The following GAS2 variants were observed in gnomAD, a reference collection of about 807,000 sequenced individuals.
GAS2 encodes the protein growth arrest specific 2, also known as growth arrest-specific protein 2.
A neutral mutation model predicts 37.5 loss-of-function variants in GAS2; 20 were observed. That is an observed-to-expected ratio of 0.53 (90% CI 0.37 to 0.77). GAS2 has a LOEUF of 0.77. Ranked by LOEUF, GAS2 falls within the 30% of genes least tolerant of loss-of-function variation. The pLI is 0.00. For synonymous variants in GAS2, 144 were observed against 132.2 expected (o/e 1.09, Z -0.61); for missense variants, 336 against 373.4 (o/e 0.90, Z 0.82).
rs1240834314 is a variant in GAS2 at position 22,690,158 on chromosome 11, TATGCCTG to T, written c.267+4370_267+4376del. On this transcript the variant is annotated intron_variant, in intron 3 of 7. Transcript: ENST00000454584. ...TGTAAACAAATTTGAACGAGTAAGT[TATGCCTG>T]GTATGTGTGAAGTATGTCTGTATTA... Among the ~76,000 whole-genome samples the T allele has an allele frequency of 2.0e-5, 3 of 152,192 alleles. No individual in the cohort carries two copies. The East Asian group carries it at 5.8e-4, about 29-fold the overall frequency.
intron 7 of GAS2, among the ~76,000 whole-genome samples, chr11:22,760,154 T>C (rs1461462789): frequency 1.4e-5 from 2 of 141,540 alleles, no homozygotes; most frequent in Non-Finnish European, 3.1e-5. Context: ...TTTTTTTTTG[T>C]ATTTTAAGTA....
intron 1 of GAS2, among the ~76,000 whole-genome samples, chr11:22,656,152 T>C (rs1848852139): frequency 6.6e-6 from 1 of 152,246 alleles, no homozygotes; most frequent in Non-Finnish European, 1.5e-5. Context: ...CTACAAATCT[T>C]AAAACCACAG....
chr11:22,715,200 C>T (rs894229803), intron 3 of GAS2, among the ~76,000 whole-genome samples: 5 of 152,022 alleles, frequency 3.3e-5, no homozygotes, highest in African/African-American at 1.2e-4. Flanking sequence ...TGGTGGCTTA[C>T]ACCTGTAATC....
At chr11:22,730,482 G>A (rs1852418702) in intron 4 of GAS2, among the ~76,000 whole-genome samples, 1 of 151,728 alleles carries the variant, frequency 6.6e-6, no homozygotes, top group East Asian at 1.9e-4. Context: ...TGCAGAGCAT[G>A]TTGTAACCAT....
chr11:22,759,507 T>C (rs1223430834), intron 7 of GAS2, among the ~76,000 whole-genome samples: 3 of 152,226 alleles, frequency 2.0e-5, no homozygotes, highest in Non-Finnish European at 2.9e-5. Flanking sequence ...AAATAATTTG[T>C]CAAAGCCAAA....
chr11:22,728,863 G>A (rs891896833), intron 4 of GAS2, among the ~76,000 whole-genome samples: 6 of 150,784 alleles, frequency 4.0e-5, no homozygotes, highest in African/African-American at 9.7e-5. Context: ...AAGTGGAACC[G>A]TTTCTCCTTT....
chr11:22,667,347 G>T (rs910149886), intron 1 of GAS2, among the ~76,000 whole-genome samples: 3 of 152,186 alleles, frequency 2.0e-5, no homozygotes, highest in African/African-American at 4.8e-5. Flanking sequence ...GATAGAGCCA[G>T]AATGGTCTTA....
chr11:22,808,067 G>A (rs754366810), intron 7 of GAS2, among the ~76,000 whole-genome samples: 5 of 152,150 alleles, frequency 3.3e-5, no homozygotes, highest in Non-Finnish European at 7.3e-5. Flanking sequence ...GGACACTTGG[G>A]CAAGTTTCAA....
At chr11:22,771,984 T>G (rs1855002615) in intron 7 of GAS2, among the ~76,000 whole-genome samples, 1 of 152,182 alleles carries the variant, frequency 6.6e-6, no homozygotes, top group Non-Finnish European at 1.5e-5. Flanking sequence ...TTTAATTTAT[T>G]ATCCCCATTA....
Position 22,681,576 on chromosome 11 carries a change from C to G in GAS2, c.146-4092C>G, listed in dbSNP as rs541121306. On this transcript the variant is annotated intron_variant, in intron 2 of 7. Transcript: ENST00000454584. Reference sequence around the variant, plus strand: ...TAATTGTATTCATTTATTGTTCTTTCTTTCCCTACAAACACCAACCACAAT... The same window carrying G: ...TAATTGTATTCATTTATTGTTCTTTGTTTCCCTACAAACACCAACCACAAT... 5.7e-4 allele frequency among the ~76,000 whole-genome samples: 87 copies of G among 152,260 alleles called. 1 individual carries two copies. The highest frequency in any genetic ancestry group is 2.1e-3 in the African/African-American group (86 of 41,560).
Position 22,778,053 on chromosome 11 carries a change from G to A in GAS2, c.723+22100G>A, listed in dbSNP as rs937563398. 6.6e-5 allele frequency among the ~76,000 whole-genome samples: 10 copies of A among 152,176 alleles called. No individual in the cohort carries two copies. The East Asian group carries it at 1.4e-3, about 21-fold the overall frequency. ...TATTAATGGAATAGAGGGAAGAGGC[G>A]AAGAAGAAACTAGAATTTTGAAAAT... On this transcript the variant is annotated intron_variant, in intron 7 of 7. Coordinates refer to ENST00000454584, the MANE Select transcript of GAS2 (RefSeq NM_001143830.3).
rs370842473 is a variant in GAS2, at chr11:22,787,496, A to C, written c.724-24302A>C. 9.8e-5 allele frequency among the ~76,000 whole-genome samples: 14 copies of C among 143,088 alleles called. No individual in the cohort carries two copies. In the East Asian group the frequency reaches 2.5e-3, roughly 25 times the overall value. 93.9% of individuals were successfully genotyped at this position (143,088 alleles called of 152,430 possible). A position where few individuals can be genotyped will look rare whatever the true frequency, so the allele number is the denominator to read the frequency against. ...AATTGTTGTGTGTATGTGTGTATAC[A>C]TACACACATACACATTAAATATTTG... On this transcript the variant is annotated intron_variant, in intron 7 of 7. Coordinates refer to ENST00000454584, the MANE Select transcript of GAS2 (RefSeq NM_001143830.3).
intron 7 of GAS2, among the ~76,000 whole-genome samples, chr11:22,766,141 G>T (rs1277922830): frequency 6.6e-6 from 1 of 152,132 alleles, no homozygotes; most frequent in Non-Finnish European, 1.5e-5. Context: ...ATTTCAACAT[G>T]AGACATGGGT....
At chr11:22,663,629 TA>T (rs1412332827), upstream of GAS2, among the ~76,000 whole-genome samples, 1 of 152,108 alleles carries the variant, frequency 6.6e-6, no homozygotes, top group Non-Finnish European at 1.5e-5. Context: ...CCACTGAGAG[TA>T]AAGTAATAGA....
intron 7 of GAS2, among the ~76,000 whole-genome samples, chr11:22,791,384 G>A (rs72973146): frequency 0.034 from 5,193 of 151,722 alleles, 152 homozygotes; most frequent in Non-Finnish European, 0.053. Flanking sequence ...TCAGTTTGCA[G>A]GTCTCAGTGC....
chr11:22,753,010 C>T (rs918844442), intron 6 of GAS2, among the ~76,000 whole-genome samples: 2 of 152,080 alleles, frequency 1.3e-5, no homozygotes, highest in Admixed American at 6.6e-5. Context: ...TTCTCCTCTT[C>T]GCGAGCTAGT....
chr11:22,721,360 C>A (rs115702114), intron 3 of GAS2, among the ~76,000 whole-genome samples: 222 of 152,082 alleles, frequency 1.5e-3, no homozygotes, highest in African/African-American at 5.0e-3. Context: ...GTTATGAATG[C>A]GCTTCATGAC....
chr11:22,797,652 A>G lies in GAS2; in HGVS notation c.724-14146A>G, dbSNP rs370715741. On this transcript the variant is annotated intron_variant, in intron 7 of 7. Coordinates refer to ENST00000454584, the MANE Select transcript of GAS2 (RefSeq NM_001143830.3). ...CTATCCAGATAATGGTAACATTAAT[A>G]CTTGCCTACTGAGCCACTGGGTAGT... is the stretch of plus-strand genomic sequence containing the variant. Among the ~76,000 whole-genome samples the G allele has an allele frequency of 4.4e-4, 67 of 152,216 alleles. No homozygotes were observed. In the East Asian group the frequency reaches 0.01, roughly 23 times the overall value.
chr11:22,661,998 T>C (rs1402229340), upstream of GAS2, among the ~76,000 whole-genome samples: 1 of 152,214 alleles, frequency 6.6e-6, no homozygotes, highest in Non-Finnish European at 1.5e-5. Context: ...AAGTACGTAA[T>C]GTTTTTGTGA....
Sources: allele counts gnomAD v4.1 joint callset (sites outside exome capture counted in the v4.1 genomes callset), GRCh38; gene constraint gnomAD v4.1.1; transcripts MANE v1.5; gene names NCBI Gene and HGNC (gene_info 2026-07-23, HGNC 2026-07-21).